ZC2HC1B: variants seen among roughly 807,000 people sequenced by gnomAD.
ZC2HC1B encodes the protein zinc finger C2HC-type containing 1B.
In ZC2HC1B, 36 loss-of-function variants were observed where a neutral mutation model predicts 31.0. That is an observed-to-expected ratio of 1.16 (90% CI 0.89 to 1.54). The LOEUF (loss-of-function observed/expected upper bound fraction) is 1.54, where lower values mean the gene tolerates loss of function less well. ZC2HC1B is among the 40% of genes most tolerant of loss of function. The pLI, the probability that ZC2HC1B is intolerant of heterozygous loss-of-function variation, is 0.00. For missense variants in ZC2HC1B, 260 were observed against 268.6 expected (o/e 0.97, Z 0.22); for synonymous variants, 73 against 88.0 (o/e 0.83, Z 0.95).
rs550577284 is a variant in ZC2HC1B, at chr6:143,921,811, A to G, written c.599-15838A>G. ...GCTACATGTGGTGGCACCCACTTGT[A>G]GCTCTTGCTACCCAGGAGACTGAGG... On this transcript the variant is annotated intron_variant, in intron 6 of 7. Coordinates refer to ENST00000237275, the MANE Select transcript of ZC2HC1B (RefSeq NM_001013623.3). This position sits in a 1 kb window ranked among gnomAD's most constrained non-coding sequence, Gnocchi z 6.1. 1.3e-5 allele frequency among the ~76,000 whole-genome samples: 2 copies of G among 152,298 alleles called. No homozygotes were observed. Among genetic ancestry groups the G allele is most frequent in the African/African-American group, 4.8e-5 (2 of 41,574 alleles).
intron 4 of ZC2HC1B, among the ~76,000 whole-genome samples, chr6:143,892,819 G>A (rs1392696630): frequency 6.6e-6 from 1 of 151,928 alleles, no homozygotes; most frequent in Non-Finnish European, 1.5e-5. Flanking sequence ...CATTCAAAAA[G>A]GATCATTGAC....
chr6:143,917,431 A>G lies in ZC2HC1B; in HGVS notation c.598+14279A>G, dbSNP rs1254939068. On this transcript the variant is annotated intron_variant, in intron 6 of 7. Coordinates refer to ENST00000237275, the MANE Select transcript of ZC2HC1B (RefSeq NM_001013623.3). This position sits in a 1 kb window ranked among gnomAD's most constrained non-coding sequence, Gnocchi z 4.1. ...CTCATTTCCTTTTGTATGTATAACT[A>G]TTTTCTTAGTAGTTACCATGGGGAC... Among the ~76,000 whole-genome samples the G allele has an allele frequency of 6.6e-6, 1 of 152,122 alleles. No homozygotes were observed. The highest frequency in any genetic ancestry group is 1.5e-5 in the Non-Finnish European group (1 of 68,018).
At chr6:143,900,606 C>T (rs1777726401) in intron 5 of ZC2HC1B, among the ~76,000 whole-genome samples, 1 of 151,728 alleles carries the variant, frequency 6.6e-6, no homozygotes, top group Non-Finnish European at 1.5e-5. Flanking sequence ...TGAATGAGGG[C>T]CTGGAATAGG....
In ZC2HC1B at chr6:143,884,578, T is replaced by C. The variant is rs1165157815; in HGVS notation, c.90+213T>C. On this transcript the variant is annotated intron_variant, in intron 2 of 7. Transcript: ENST00000237275. The surrounding 1 kb of genome is among the most constrained non-coding windows in gnomAD (Gnocchi z 5.1). ...GCGACCCTATTAAACATGGTCCTCC[T>C]GAAATGATGCCAGATGGAAGTCTCT... 6.6e-6 allele frequency among the ~76,000 whole-genome samples: 1 copy of C among 152,202 alleles called. No individual in the cohort carries two copies. The highest frequency in any genetic ancestry group is 1.5e-5 in the Non-Finnish European group (1 of 68,028).
chr6:143,876,920 C>G (rs1003597440), intron 1 of ZC2HC1B, among the ~76,000 whole-genome samples: 5 of 150,432 alleles, frequency 3.3e-5, no homozygotes, highest in Admixed American at 3.3e-4. Context: ...TCTGCCTTTC[C>G]CAGCCCACTG....
At chr6:143,902,478 G>T (rs139474165) in intron 5 of ZC2HC1B, among the ~76,000 whole-genome samples, 1 of 152,060 alleles carries the variant, frequency 6.6e-6, no homozygotes, top group African/African-American at 2.4e-5. Flanking sequence ...CTGCAGTTCC[G>T]TGGAACTGGA....
rs760920931 is a variant in ZC2HC1B, at chr6:143,886,145, A to G, written c.204A>G (p.Gln68=). The part of the protein sequence containing the change: ...TDIPTVKKTP[Q]SKSPPVRKSN... ...TTCCTACTGTGAAGAAGACTCCACA[A>G]TCCAAGGTACTCCTGATATCTTCTT... The change falls in exon 3 of 8, where the codon CAA becomes CAG. Residue 68 remains glutamine (Q), a synonymous_variant. Transcript: ENST00000237275. This position sits in a 1 kb window ranked among gnomAD's most constrained non-coding sequence, Gnocchi z 4.2. 6 of 1,538,316 alleles carry G rather than the reference A, an allele frequency of 3.9e-6. No homozygotes were observed. Among genetic ancestry groups the G allele is most frequent in the Non-Finnish European group, 5.2e-6 (6 of 1,143,198 alleles).
intron 6 of ZC2HC1B, among the ~76,000 whole-genome samples, chr6:143,907,729 G>A (rs201584010): frequency 1.3e-5 from 2 of 152,078 alleles, no homozygotes; most frequent in Non-Finnish European, 2.9e-5. Context: ...TGTAAATTGT[G>A]TGTTCACTCT....
rs1343460214 is a variant in ZC2HC1B, at chr6:143,869,257, A to T, written c.28+4690A>T. Among the ~76,000 whole-genome samples the T allele has an allele frequency of 6.6e-6, 1 of 152,136 alleles. No individual in the cohort carries two copies. The highest frequency in any genetic ancestry group is 6.5e-5 in the Admixed American group (1 of 15,284). On this transcript the variant is annotated intron_variant, in intron 1 of 7. Transcript: ENST00000237275. This position sits in a 1 kb window ranked among gnomAD's most constrained non-coding sequence, Gnocchi z 5.2. ...AATAGATCTCCTGTATTCCATGCCTACTCTTCCTTACCTCTGTTGTGGAGT... is the reference window on the plus strand; with the variant it reads ...AATAGATCTCCTGTATTCCATGCCTTCTCTTCCTTACCTCTGTTGTGGAGT...
chr6:143,909,816 C>A (rs1202233031), intron 6 of ZC2HC1B, among the ~76,000 whole-genome samples: 2 of 151,976 alleles, frequency 1.3e-5, no homozygotes, highest in Admixed American at 1.3e-4. Flanking sequence ...CTTTACTAGT[C>A]TAGCTAGCAG....
intron 6 of ZC2HC1B, among the ~76,000 whole-genome samples, chr6:143,925,683 T>C (rs533746492): frequency 6.6e-6 from 1 of 152,050 alleles, no homozygotes; most frequent in Middle Eastern, 3.4e-3. Flanking sequence ...ATTATAGGCA[T>C]GCGCCATCAC....
At chr6:143,873,873 G>A (rs1438587552) in intron 1 of ZC2HC1B, among the ~76,000 whole-genome samples, 1 of 152,194 alleles carries the variant, frequency 6.6e-6, no homozygotes, top group Non-Finnish European at 1.5e-5. Flanking sequence ...AAATGGCCTG[G>A]AGACATTTTT....
intron 1 of ZC2HC1B, among the ~76,000 whole-genome samples, chr6:143,879,149 G>T (rs1777439874): frequency 6.6e-6 from 1 of 152,180 alleles, no homozygotes; most frequent in African/African-American, 2.4e-5. Context: ...CTGTCCAGGA[G>T]TTGCTGTGAC....
In ZC2HC1B at chr6:143,933,775, G is replaced by A. The variant is rs1284443962; in HGVS notation, c.599-3874G>A. Among the ~76,000 whole-genome samples the A allele has an allele frequency of 6.6e-6, 1 of 152,182 alleles. No individual in the cohort carries two copies. The highest frequency in any genetic ancestry group is 1.5e-5 in the Non-Finnish European group (1 of 68,038). On this transcript the variant is annotated intron_variant, in intron 6 of 7. Coordinates refer to ENST00000237275, the MANE Select transcript of ZC2HC1B (RefSeq NM_001013623.3). This position sits in a 1 kb window ranked among gnomAD's most constrained non-coding sequence, Gnocchi z 6.4. ...TTTCCCCACTGAGGAAGCAAGCACT[G>A]CTTTCAGGCCACACCTTTGCCAATC...
At chr6:143,891,906 C>G (rs1460087267) in intron 4 of ZC2HC1B, among the ~76,000 whole-genome samples, 1 of 152,006 alleles carries the variant, frequency 6.6e-6, no homozygotes, top group Non-Finnish European at 1.5e-5. Flanking sequence ...AAAATAGAAT[C>G]TAGATATAGA....
intron 6 of ZC2HC1B, among the ~76,000 whole-genome samples, chr6:143,920,888 C>A (rs939247020): frequency 7.2e-6 from 1 of 139,644 alleles, no homozygotes; most frequent in African/African-American, 2.7e-5. Flanking sequence ...CCTGACAACA[C>A]AGCGAGAGAC....
chr6:143,871,390 C>T lies in ZC2HC1B; in HGVS notation c.28+6823C>T, dbSNP rs1462561168. On this transcript the variant is annotated intron_variant, in intron 1 of 7. Coordinates refer to ENST00000237275, the MANE Select transcript of ZC2HC1B (RefSeq NM_001013623.3). This position sits in a 1 kb window ranked among gnomAD's most constrained non-coding sequence, Gnocchi z 4.1. ...AGTAAAGGTATATTGCTGGCCTTGC[C>T]AGCTGAAGGCAAATTGCTTCTGGTG... Among the ~76,000 whole-genome samples the T allele has an allele frequency of 6.6e-6, 1 of 152,224 alleles. No individual in the cohort carries two copies. The highest frequency in any genetic ancestry group is 1.5e-5 in the Non-Finnish European group (1 of 68,044).
At position 143,908,564 on chromosome 6, in the gene ZC2HC1B, T is replaced by G. The variant is rs1266898896; in HGVS notation, c.598+5412T>G. The stretch of plus-strand genomic sequence containing the variant: ...TTGTGAATGGAGGTTCACTCATGAT[T>G]TGGCTCTCAGCTTGCCTGTTGTTTG... On this transcript the variant is annotated intron_variant, in intron 6 of 7. Coordinates refer to ENST00000237275, the MANE Select transcript of ZC2HC1B (RefSeq NM_001013623.3). This position sits in a 1 kb window ranked among gnomAD's most constrained non-coding sequence, Gnocchi z 4.4. 6.6e-6 allele frequency among the ~76,000 whole-genome samples: 1 copy of G among 152,234 alleles called. No homozygotes were observed. The highest frequency in any genetic ancestry group is 1.5e-5 in the Non-Finnish European group (1 of 68,040).
rs535822796 is a variant in ZC2HC1B at position 143,886,519 on chromosome 6, T to G, written c.211-164T>G. ...TCTTGTGGCTTGCAAATTATATTAC[T>G]GTACTTTCCAAACCTCTTTAAGGAG... On this transcript the variant is annotated intron_variant, in intron 3 of 7. Coordinates refer to ENST00000237275, the MANE Select transcript of ZC2HC1B (RefSeq NM_001013623.3). This position sits in a 1 kb window ranked among gnomAD's most constrained non-coding sequence, Gnocchi z 4.2. Among the ~76,000 whole-genome samples, 25 of 152,220 alleles carry G rather than the reference T, an allele frequency of 1.6e-4. No individual in the cohort carries two copies. The highest frequency in any genetic ancestry group is 2.9e-4 in the Non-Finnish European group (20 of 68,032).
Sources: gnomAD v4.1 joint callset for allele counts (sites outside exome capture counted in the v4.1 genomes callset) on GRCh38, gnomAD v4.1.1 for gene constraint, Gnocchi (gnomAD v3.1) non-coding constraint, MANE v1.5 for transcripts, NCBI Gene and HGNC (gene_info 2026-07-23, HGNC 2026-07-21) for gene names.